Variants in GALNT5 observed in about 807,000 individuals in gnomAD.
GALNT5 encodes the protein polypeptide N-acetylgalactosaminyltransferase 5.
GALNT5 carries 72 observed loss-of-function variants against 85.4 expected under a neutral mutation model. The observed-to-expected ratio is 0.84, with a 90% CI of 0.70 to 1.03. GALNT5 has a LOEUF of 1.03. Among genes scored for constraint, GALNT5 ranks in the 50% least tolerant of loss-of-function variants. The pLI, the probability that GALNT5 is intolerant of heterozygous loss-of-function variation, is 0.00. For missense variants in GALNT5, 1,137 were observed against 1,135.5 expected (o/e 1.00, Z -0.02); for synonymous variants, 404 against 397.0 (o/e 1.02, Z -0.21).
chr2:157,269,785 G>A (rs777561292), intron 1 of GALNT5, among the ~76,000 whole-genome samples: 6 of 152,096 alleles, frequency 3.9e-5, no homozygotes, highest in Non-Finnish European at 8.8e-5. Context: ...TATAGGAAGA[G>A]TCATTTGCAT....
At position 157,300,795 on chromosome 2, in the gene GALNT5, G is replaced by A. The variant is rs191527023; in HGVS notation, c.2235G>A (p.Leu745=). 7 of 1,614,088 alleles carry A rather than the reference G, an allele frequency of 4.3e-6. No homozygotes were observed. The highest frequency in any genetic ancestry group is 1.6e-4 in the Middle Eastern group (1 of 6,062). ...GGATGAAGACAGTGGAGCGGAACTT[G>A]GTGCGGGTTGCCGAGGTCTGGCTGG... is the stretch of plus-strand genomic sequence containing the variant. ...KDRMKTVERN[L]VRVAEVWLDE... The change falls in exon 7 of 10, where the codon TTG becomes TTA. Residue 745 remains leucine, a synonymous_variant. Transcript: ENST00000259056.
At position 157,315,160 on chromosome 2, in the gene GALNT5, G is replaced by A. The variant is rs1056247644; in HGVS notation, c.*3812G>A. On this transcript the variant is annotated 3_prime_UTR_variant, in exon 10 of 10. Coordinates refer to ENST00000259056, the MANE Select transcript of GALNT5 (RefSeq NM_014568.3). ...ACAAAAAAATGACATTGGGTGATGGGAAAAAAGAAAGGAACTAATTATCAT... is the reference window on the plus strand; with the variant it reads ...ACAAAAAAATGACATTGGGTGATGGAAAAAAAGAAAGGAACTAATTATCAT... Among the ~76,000 whole-genome samples the A allele has an allele frequency of 6.6e-6, 1 of 152,072 alleles. No homozygotes were observed. The highest frequency in any genetic ancestry group is 1.5e-5 in the Non-Finnish European group (1 of 67,988).
intron 9 of GALNT5, 33 bp downstream of exon 9, chr2:157,308,761 C>T: frequency 1.9e-6 from 3 of 1,556,082 alleles, no homozygotes; most frequent in Non-Finnish European, 2.6e-6. Flanking sequence ...TTCTTTACCA[C>T]AAATTTGACT....
In GALNT5 at chr2:157,311,668, T is replaced by A. The variant is rs1379254130; in HGVS notation, c.*320T>A. ...GAAGACAGAAGGACTTGAGAAAGCA[T>A]GAGGATATTCCCAATGACTATGTTT... On this transcript the variant is annotated 3_prime_UTR_variant, in exon 10 of 10. Transcript: ENST00000259056. 5.1e-6 allele frequency: 1 copy of A among 195,100 alleles called. No individual in the cohort carries two copies. The highest frequency in any genetic ancestry group is 1.4e-4 in the East Asian group (1 of 7,114). 12.1% of individuals were successfully genotyped at this position (195,100 alleles called of 1,614,324 possible).
At chr2:157,309,359 G>A (rs1683521790) in intron 9 of GALNT5, among the ~76,000 whole-genome samples, 1 of 152,184 alleles carries the variant, frequency 6.6e-6, no homozygotes, top group Non-Finnish European at 1.5e-5. Context: ...TACTGGATCA[G>A]GGATACTTTT....
chr2:157,304,883 C>G (rs1683420497), intron 7 of GALNT5, among the ~76,000 whole-genome samples: 1 of 152,148 alleles, frequency 6.6e-6, no homozygotes. Context: ...TGAGTTAGAG[C>G]TCTTTGTTAG....
intron 1 of GALNT5, among the ~76,000 whole-genome samples, chr2:157,271,808 A>G (rs114571267): frequency 0.012 from 1,763 of 152,318 alleles, 36 homozygotes; most frequent in African/African-American, 0.04. Context: ...TTAAGTCTGC[A>G]ATTCAGATGG....
chr2:157,283,908 GT>G (rs1193907878), intron 1 of GALNT5, among the ~76,000 whole-genome samples: 2 of 152,274 alleles, frequency 1.3e-5, no homozygotes, highest in East Asian at 3.9e-4. Flanking sequence ...GGCATTAATG[GT>G]TAAAGACCTG....
chr2:157,296,482 A>C lies in GALNT5; in HGVS notation c.1966A>C (p.Lys656Gln). The C allele has an allele frequency of 6.2e-7, 1 of 1,610,408 alleles. No homozygotes were observed. Among genetic ancestry groups the C allele is most frequent in the Non-Finnish European group, 8.5e-7 (1 of 1,176,772 alleles). Residue 656 changes from lysine (K) to glutamine (Q), a missense_variant, in exon 5 of 10, where the codon AAA (lysine) becomes CAA (glutamine). Physicochemically the swap from Lys to Gln is moderately conservative, Grantham distance 53. Coordinates refer to ENST00000259056, the MANE Select transcript of GALNT5 (RefSeq NM_014568.3). ...AACAATTCCTCCAGATGTCATTGCA[A>C]AAAACAGAATTAAAGAAACTGATAC... ...WRTIPPDVIA[K>Q]NRIKETDTIR...
At chr2:157,290,239 T>C (rs1380657588) in intron 3 of GALNT5, among the ~76,000 whole-genome samples, 1 of 152,056 alleles carries the variant, frequency 6.6e-6, no homozygotes, top group African/African-American at 2.4e-5. Flanking sequence ...GTTCTCAATT[T>C]CTATTGCTAT....
chr2:157,306,944 T>A (rs1257282129), intron 8 of GALNT5, among the ~76,000 whole-genome samples: 1 of 151,704 alleles, frequency 6.6e-6, no homozygotes, highest in Non-Finnish European at 1.5e-5. Flanking sequence ...GGAAATAAAG[T>A]CATAAATTGT....
At chr2:157,287,572 A>G (rs985428197) in intron 3 of GALNT5, among the ~76,000 whole-genome samples, 1 of 152,036 alleles carries the variant, frequency 6.6e-6, no homozygotes, top group African/African-American at 2.4e-5. Context: ...TTTTGACCTG[A>G]CCCATCAATA....
rs2105178610 is a variant in GALNT5 at position 157,315,915 on chromosome 2, A to T, written c.*4567A>T. 6.6e-6 allele frequency among the ~76,000 whole-genome samples: 1 copy of T among 152,284 alleles called. No homozygotes were observed. The highest frequency in any genetic ancestry group is 1.9e-4 in the East Asian group (1 of 5,176). On this transcript the variant is annotated 3_prime_UTR_variant, in exon 10 of 10. Coordinates refer to ENST00000259056, the MANE Select transcript of GALNT5 (RefSeq NM_014568.3). The stretch of plus-strand genomic sequence containing the variant: ...CTCATGTTGAGAAAGACAGTTGCTC[A>T]AGAGAGGGTTTTCTGGGTTTGGGGC...
In GALNT5 at chr2:157,259,434, A is replaced by G. The variant is rs763720467; in HGVS notation, c.1352A>G (p.Lys451Arg). 1 of 1,474,130 alleles carries G rather than the reference A, an allele frequency of 6.8e-7. No homozygotes were observed. Among genetic ancestry groups the G allele is most frequent in the South Asian group, 1.6e-5 (1 of 61,768 alleles). 91.3% of individuals were successfully genotyped at this position (1,474,130 alleles called of 1,614,324 possible). The change falls in exon 1 of 10, where the codon AAG becomes AGG. Residue 451 changes from lysine to arginine, a missense_variant. By Grantham distance (26) the Lys-to-Arg change is conservative. Coordinates refer to ENST00000259056, the MANE Select transcript of GALNT5 (RefSeq NM_014568.3). ...FGRPVVVPHG[K>R]EKEAERRWKE... is the part of the protein sequence containing the mutation. ...CGTCCTGTAGTTGTCCCCCATGGAA[A>G]GGAGAAGGAGGCAGAAAGAAGATGG...
intron 1 of GALNT5, among the ~76,000 whole-genome samples, chr2:157,265,385 C>CAATTCTGCTACTAGTTCA (rs1457062524): frequency 6.6e-6 from 1 of 152,108 alleles, no homozygotes; most frequent in Admixed American, 6.5e-5. Context: ...ATGGAAAGCA[C>CAATTCTGCTACTAGTTCA]AATTCTGCTA....
At chr2:157,293,534 A>G (rs11890245) in intron 3 of GALNT5, among the ~76,000 whole-genome samples, 12,232 of 152,254 alleles carry the variant, frequency 0.08, 1,531 homozygotes, top group African/African-American at 0.26. Context: ...ATACCCTGTC[A>G]TTGTCAAACA....
intron 9 of GALNT5, among the ~76,000 whole-genome samples, chr2:157,309,985 AG>A (rs576049311): frequency 4.9e-4 from 75 of 152,106 alleles, no homozygotes; most frequent in African/African-American, 1.1e-3. Context: ...GGAAGGAGAA[AG>A]GGGGGGATGT....
Position 157,286,148 on chromosome 2 carries a change from C to T in GALNT5, c.1741+14C>T, listed in dbSNP as rs2105144925. 6.2e-7 allele frequency: 1 copy of T among 1,600,074 alleles called. No homozygotes were observed. Reference sequence around the variant, plus strand: ...AGAATGCAACAGGTAAGAAGTTACTCATTTTTTTGTTTGTTACATTTTTAT... The same window carrying T: ...AGAATGCAACAGGTAAGAAGTTACTTATTTTTTTGTTTGTTACATTTTTAT... On this transcript the variant is annotated intron_variant, in intron 3 of 9. Coordinates refer to ENST00000259056, the MANE Select transcript of GALNT5 (RefSeq NM_014568.3).
intron 2 of GALNT5, among the ~76,000 whole-genome samples, chr2:157,285,599 A>T (rs2105144271): frequency 6.6e-6 from 1 of 152,312 alleles, no homozygotes; most frequent in South Asian, 2.1e-4. Flanking sequence ...AGAGAATGAA[A>T]GGGTCTTATT....
Sources: allele counts gnomAD v4.1 joint callset (sites outside exome capture counted in the v4.1 genomes callset), GRCh38; gene constraint gnomAD v4.1.1; transcripts MANE v1.5; gene names NCBI Gene and HGNC (gene_info 2026-07-23, HGNC 2026-07-21).